SPATA9: variants seen among roughly 807,000 people sequenced by gnomAD.
The protein encoded by SPATA9 is spermatogenesis associated 9, also known as spermatogenesis-associated protein 9.
A neutral mutation model predicts 25.5 loss-of-function variants in SPATA9; 27 were observed. The ratio of observed to expected loss-of-function variants is 1.06; its 90% CI spans 0.78 to 1.46. The LOEUF (loss-of-function observed/expected upper bound fraction) is 1.46, where lower values mean the gene tolerates loss of function less well. Ranked by LOEUF, SPATA9 falls within the 40% of genes most tolerant of loss-of-function variation. The pLI, the probability that SPATA9 is intolerant of heterozygous loss-of-function variation, is 0.00. For synonymous variants in SPATA9, 102 were observed against 105.7 expected, an observed-to-expected ratio of 0.97 and a Z score of 0.21; for missense variants, 282 against 297.5, an observed-to-expected ratio of 0.95 and a Z score of 0.38.
chr5:95,673,378 G>T (rs73780246), intron 3 of SPATA9, among the ~76,000 whole-genome samples: 1 of 44,236 alleles, frequency 2.3e-5, no homozygotes, highest in East Asian at 3.3e-4. Flanking sequence ...GTGTGTGTTT[G>T]TGTGTGTGTG....
chr5:95,715,476 G>A, the SPATA9 span, among the ~76,000 whole-genome samples: 1 of 152,192 alleles, frequency 6.6e-6, no homozygotes, highest in Admixed American at 6.5e-5. Context: ...AGATGACACT[G>A]CAGAGCAACA....
At chr5:95,696,683 C>T (rs1034046624) in intron 1 of SPATA9, among the ~76,000 whole-genome samples, 1 of 152,010 alleles carries the variant, frequency 6.6e-6, no homozygotes, top group Admixed American at 6.6e-5. Flanking sequence ...TCGAGACCAC[C>T]CTGAGCAACA....
At chr5:95,691,756 T>A (rs1753901193) in intron 1 of SPATA9, among the ~76,000 whole-genome samples, 1 of 152,222 alleles carries the variant, frequency 6.6e-6, no homozygotes, top group African/African-American at 2.4e-5. Context: ...TACAGCAGGA[T>A]CACCTATGTT....
chr5:95,660,522 T>TC (rs1215032484), intron 4 of SPATA9, among the ~76,000 whole-genome samples: 6 of 152,228 alleles, frequency 3.9e-5, no homozygotes, highest in Non-Finnish European at 7.3e-5. Flanking sequence ...AGATATCCTT[T>TC]GTTACTTGCA....
chr5:95,712,757 G>A, the SPATA9 span, among the ~76,000 whole-genome samples: 1 of 152,182 alleles, frequency 6.6e-6, no homozygotes, highest in African/African-American at 2.4e-5. Context: ...ATTGTGTTCT[G>A]TCTAACCTCT....
At chr5:95,667,871 G>C (rs1251059009) in intron 3 of SPATA9, among the ~76,000 whole-genome samples, 22 of 152,130 alleles carry the variant, frequency 1.4e-4, no homozygotes, top group Admixed American at 1.4e-3. Context: ...CCTTGGTGCT[G>C]TCTTCAGGAT....
the SPATA9 span, among the ~76,000 whole-genome samples, chr5:95,723,199 G>A: frequency 1.3e-5 from 2 of 151,902 alleles, no homozygotes; most frequent in Non-Finnish European, 2.9e-5. Context: ...AAAAAAGATA[G>A]CAAAAAAATA....
At chr5:95,724,156 C>A in the SPATA9 span, among the ~76,000 whole-genome samples, 1 of 152,096 alleles carries the variant, frequency 6.6e-6, no homozygotes, top group Non-Finnish European at 1.5e-5. Context: ...CATGACACAG[C>A]AATACAGTTA....
At chr5:95,708,570 G>C in the SPATA9 span, 8 of 696,044 alleles carry the variant, frequency 1.1e-5, no homozygotes, top group Non-Finnish European at 1.8e-5. Flanking sequence ...TATCTCGACA[G>C]CTAGCGTCAG....
At chr5:95,719,374 G>T in the SPATA9 span, among the ~76,000 whole-genome samples, 2 of 152,142 alleles carry the variant, frequency 1.3e-5, no homozygotes, top group Non-Finnish European at 2.9e-5. Context: ...GAAAGATTCC[G>T]CAGGAAGCAA....
the SPATA9 span, among the ~76,000 whole-genome samples, chr5:95,711,816 AC>A: frequency 6.6e-6 from 1 of 152,222 alleles, no homozygotes; most frequent in East Asian, 1.9e-4. Flanking sequence ...AGGATTCCTG[AC>A]CAAACTTAAC....
At chr5:95,693,924 G>A (rs1753949705) in intron 1 of SPATA9, among the ~76,000 whole-genome samples, 1 of 152,052 alleles carries the variant, frequency 6.6e-6, no homozygotes, top group Non-Finnish European at 1.5e-5. Context: ...ACTTTGGGAG[G>A]CCAAGGCAGG....
At chr5:95,654,494 A>G, downstream of SPATA9, 1 of 685,238 alleles carries the variant, frequency 1.5e-6, no homozygotes, top group African/African-American at 1.8e-5. Context: ...AATTCATAAG[A>G]TAAATGAGAA....
At chr5:95,711,204 C>T in the SPATA9 span, among the ~76,000 whole-genome samples, 160 of 152,156 alleles carry the variant, frequency 1.1e-3, 2 homozygotes, top group Middle Eastern at 0.014. Flanking sequence ...CCAGTTAGGC[C>T]GGGTAGAGGA....
intron 4 of SPATA9, among the ~76,000 whole-genome samples, chr5:95,662,408 A>T (rs750830185): frequency 3.3e-5 from 5 of 152,186 alleles, no homozygotes; most frequent in African/African-American, 4.8e-5. Context: ...GGATGACATT[A>T]AAATTATGAT....
downstream of SPATA9, among the ~76,000 whole-genome samples, chr5:95,654,854 A>G (rs213510): frequency 0.34 from 51,711 of 151,310 alleles, 8,760 homozygotes; most frequent in Middle Eastern, 0.42. Context: ...TTTTTACTGT[A>G]TACACTGTGC....
At chr5:95,716,451 C>G in the SPATA9 span, among the ~76,000 whole-genome samples, 2 of 152,168 alleles carry the variant, frequency 1.3e-5, no homozygotes, top group African/African-American at 4.8e-5. Context: ...GGCCTGTAGC[C>G]CCTTCATTTT....
the SPATA9 span, among the ~76,000 whole-genome samples, chr5:95,711,090 G>C: frequency 6.6e-6 from 1 of 152,070 alleles, no homozygotes; most frequent in Non-Finnish European, 1.5e-5. Flanking sequence ...GACTTCAGTC[G>C]CCTTAGACAA....
At chr5:95,664,160 C>CT in intron 3 of SPATA9, 112 bp from the exon 4 acceptor site, 2 of 536,330 alleles carry the variant, frequency 3.7e-6, no homozygotes, top group Non-Finnish European at 6.1e-6. Flanking sequence ...AGAAAGTCAT[C>CT]TACTTTAGAG....
Sources: gnomAD v4.1 joint callset for allele counts (sites outside exome capture counted in the v4.1 genomes callset) on GRCh38, gnomAD v4.1.1 for gene constraint, MANE v1.5 for transcripts, NCBI Gene and HGNC (gene_info 2026-07-23, HGNC 2026-07-21) for gene names.